Variants in NAV2 observed in about 807,000 individuals in gnomAD.
NAV2 encodes helicase, APC down-regulated 1.
A neutral mutation model predicts 223.2 loss-of-function variants in NAV2; 54 were observed. The ratio of observed to expected loss-of-function variants is 0.24; its 90% CI spans 0.19 to 0.30. The LOEUF is 0.30. Ranked by LOEUF, NAV2 falls within the 10% of genes least tolerant of loss-of-function variation. NAV2 has a pLI of 1.00. For synonymous variants in NAV2, 1,279 were observed against 1,239.3 expected (o/e 1.03, Z -0.67); for missense variants, 2,806 against 3,147.5 (o/e 0.89, Z 2.60).
At chr11:19,860,477 G>C (rs970813753) in intron 3 of NAV2, among the ~76,000 whole-genome samples, 54 of 151,966 alleles carry the variant, frequency 3.6e-4, no homozygotes, top group African/African-American at 1.3e-3. Context: ...TGGGATGGCA[G>C]CCTGGAAGAG....
intron 10 of NAV2, among the ~76,000 whole-genome samples, chr11:19,982,602 T>C (rs7129191): frequency 0.21 from 31,881 of 152,076 alleles, 3,431 homozygotes; most frequent in African/African-American, 0.27. Context: ...ATTATGTTGA[T>C]ATTGTGACCT....
At chr11:19,844,419 C>G (rs528505918) in intron 3 of NAV2, among the ~76,000 whole-genome samples, 2 of 152,100 alleles carry the variant, frequency 1.3e-5, no homozygotes, top group African/African-American at 4.8e-5. Flanking sequence ...GGAGGTTTTG[C>G]GTGTTGTTAG....
At chr11:19,451,455 T>G (rs1218113515) in intron 1 of NAV2, among the ~76,000 whole-genome samples, 2 of 152,248 alleles carry the variant, frequency 1.3e-5, no homozygotes, top group Non-Finnish European at 2.9e-5. Context: ...CATCCTTTCC[T>G]TCTTTCCAAC....
At chr11:19,964,072 G>A (rs1022753326) in intron 10 of NAV2, among the ~76,000 whole-genome samples, 3 of 152,030 alleles carry the variant, frequency 2.0e-5, no homozygotes, top group Admixed American at 1.3e-4. Flanking sequence ...AATTGTGCAC[G>A]GCAAGTTAGA....
intron 5 of NAV2, 75 bp from the exon 6 acceptor site, chr11:19,892,359 G>T: frequency 7.0e-7 from 1 of 1,428,296 alleles, no homozygotes; most frequent in Non-Finnish European, 9.6e-7. Flanking sequence ...CTCCTGCATG[G>T]TTGCAGTTCC....
chr11:19,888,067 T>C (rs1297584792), intron 5 of NAV2, among the ~76,000 whole-genome samples: 2 of 152,056 alleles, frequency 1.3e-5, no homozygotes, highest in African/African-American at 4.8e-5. Flanking sequence ...TCTGCACACG[T>C]TGGAGAAATT....
At chr11:20,030,620 A>G (rs1309090844) in intron 11 of NAV2, among the ~76,000 whole-genome samples, 1 of 152,222 alleles carries the variant, frequency 6.6e-6, no homozygotes, top group Non-Finnish European at 1.5e-5. Context: ...AATTTAACAT[A>G]CCTGGTTTCC....
chr11:19,450,789 A>G (rs1851764146), intron 1 of NAV2, among the ~76,000 whole-genome samples: 1 of 152,100 alleles, frequency 6.6e-6, no homozygotes, highest in South Asian at 2.1e-4. Context: ...TAGAGTTTTC[A>G]CCAAATGGCA....
intron 1 of NAV2, among the ~76,000 whole-genome samples, chr11:19,619,933 T>G (rs1159965639): frequency 1.3e-5 from 2 of 152,212 alleles, no homozygotes; most frequent in Non-Finnish European, 2.9e-5. Context: ...AAATTAATTT[T>G]TGTATAAGGT....
chr11:19,349,525 C>G (rs1853178655), upstream of NAV2, among the ~76,000 whole-genome samples: 1 of 152,178 alleles, frequency 6.6e-6, no homozygotes, highest in Admixed American at 6.5e-5. Context: ...GCGGCCGGAT[C>G]TGGCCGCAGC....
chr11:19,636,701 A>G lies in NAV2; in HGVS notation c.76-195783A>G, dbSNP rs1213194913. On this transcript the variant is annotated intron_variant, in intron 1 of 37. Coordinates refer to the NAV2 transcript ENST00000360655. ...TACCCAGGATGGTCTTGATCTCCTG[A>G]CCTTGTGATCCACCCGCCTCGGCCT... Among the ~76,000 whole-genome samples, 4 of 152,192 alleles carry G rather than the reference A, an allele frequency of 2.6e-5. No individual in the cohort carries two copies. The East Asian group carries it at 7.7e-4, about 29-fold the overall frequency.
rs541423196 is a variant in NAV2 at position 19,405,196 on chromosome 11, G to A, written c.75+54169G>A. On this transcript the variant is annotated intron_variant, in intron 1 of 37. Coordinates refer to the NAV2 transcript ENST00000360655. ...AGGCTGCTGGTCTTAGACCCCACCAGGCATATGCTCTGCCAAGTGAGTGGG... is the reference window on the plus strand; with the variant it reads ...AGGCTGCTGGTCTTAGACCCCACCAAGCATATGCTCTGCCAAGTGAGTGGG... Among the ~76,000 whole-genome samples, 364 of 152,294 alleles carry A rather than the reference G, an allele frequency of 2.4e-3. 3 individuals are homozygous for A. The highest frequency in any genetic ancestry group is 8.2e-3 in the African/African-American group (342 of 41,544).
intron 3 of NAV2, among the ~76,000 whole-genome samples, chr11:19,850,601 A>T (rs964451603): frequency 6.6e-6 from 1 of 152,208 alleles, no homozygotes; most frequent in African/African-American, 2.4e-5. Context: ...ATAGATATGT[A>T]GTGCTGTTCT....
chr11:19,513,490 C>T (rs1826841297), intron 1 of NAV2, among the ~76,000 whole-genome samples: 1 of 152,120 alleles, frequency 6.6e-6, no homozygotes, highest in South Asian at 2.1e-4. Context: ...AGAGTGGTGT[C>T]CTGGGCCAGG....
intron 1 of NAV2, among the ~76,000 whole-genome samples, chr11:19,810,375 A>G (rs964190125): frequency 1.4e-4 from 22 of 152,096 alleles, no homozygotes; most frequent in African/African-American, 5.3e-4. Context: ...CATTTCTCCA[A>G]GGATCCCTGG....
At chr11:19,583,064 T>TAC in intron 1 of NAV2, among the ~76,000 whole-genome samples, 1 of 152,356 alleles carries the variant, frequency 6.6e-6, no homozygotes, top group East Asian at 1.9e-4. Flanking sequence ...GAGCAGTGGT[T>TAC]TGTAGTTCTC....
chr11:19,932,254 A>G (rs1452795699), intron 6 of NAV2, among the ~76,000 whole-genome samples: 8 of 149,394 alleles, frequency 5.4e-5, no homozygotes, highest in African/African-American at 2.0e-4. Flanking sequence ...AAAAAAAAAA[A>G]AAAAAAGAAA....
At chr11:19,890,476 T>C (rs2041411170) in intron 5 of NAV2, among the ~76,000 whole-genome samples, 1 of 152,156 alleles carries the variant, frequency 6.6e-6, no homozygotes, top group Non-Finnish European at 1.5e-5. Context: ...TTCCCTTCTC[T>C]TTGCAAATTC....
intron 1 of NAV2, among the ~76,000 whole-genome samples, chr11:19,379,745 T>C (rs554879128): frequency 6.6e-6 from 1 of 152,348 alleles, no homozygotes; most frequent in Non-Finnish European, 1.5e-5. Context: ...CCTGCTTTCC[T>C]TGGCATTCCT....
Sources: allele counts gnomAD v4.1 joint callset (sites outside exome capture counted in the v4.1 genomes callset), GRCh38; gene constraint gnomAD v4.1.1; transcripts MANE v1.5; gene names NCBI Gene and HGNC (gene_info 2026-07-23, HGNC 2026-07-21).